Variants in RYR2 observed in about 807,000 individuals in gnomAD.
RYR2 encodes cardiac muscle ryanodine receptor-calcium release channel.
Under a neutral mutation model 601.1 loss-of-function variants are expected in RYR2, and 227 were observed. The observed-to-expected ratio is 0.38, with a 90% confidence interval of 0.34 to 0.42. The LOEUF (loss-of-function observed/expected upper bound fraction) is 0.42. Ranked by LOEUF, RYR2 falls within the 10% of genes least tolerant of loss-of-function variation. The pLI, the probability that RYR2 is intolerant of heterozygous loss-of-function variation, is 1.00. For missense variants in RYR2, 4,646 were observed against 6,156.5 expected, an observed-to-expected ratio of 0.75 and a Z score of 8.21; for synonymous variants, 2,223 against 2,175.1, an observed-to-expected ratio of 1.02 and a Z score of -0.61.
chr1:237,299,591 A>G (rs962796402), intron 2 of RYR2, among the ~76,000 whole-genome samples: 1 of 152,130 alleles, frequency 6.6e-6, no homozygotes, highest in African/African-American at 2.4e-5. Context: ...CATTAGTTCA[A>G]AGTTACAAAA....
chr1:237,630,748 C>G (rs555971542), intron 41 of RYR2, among the ~76,000 whole-genome samples: 103 of 152,244 alleles, frequency 6.8e-4, no homozygotes, highest in Non-Finnish European at 1.2e-3. Flanking sequence ...TTAGGAATAC[C>G]TTGACACACA....
At chr1:237,259,443 G>A (rs1688299711) in intron 1 of RYR2, among the ~76,000 whole-genome samples, 1 of 151,694 alleles carries the variant, frequency 6.6e-6, no homozygotes, top group South Asian at 2.1e-4. Flanking sequence ...AGGAGGCAGA[G>A]GTTGCAGTGA....
chr1:237,333,762 T>A, intron 3 of RYR2: 1 of 354,022 alleles, frequency 2.8e-6, no homozygotes, highest in Non-Finnish European at 5.6e-6. Context: ...GGAATTTTTT[T>A]ATCAATCAAA....
intron 44 of RYR2, among the ~76,000 whole-genome samples, chr1:237,638,012 A>G (rs1415288722): frequency 6.6e-6 from 1 of 152,132 alleles, no homozygotes; most frequent in African/African-American, 2.4e-5. Flanking sequence ...TGGTGCAAAT[A>G]AAACAGCAAC....
chr1:237,477,781 A>G (rs1041753618), intron 17 of RYR2, among the ~76,000 whole-genome samples: 1 of 152,088 alleles, frequency 6.6e-6, no homozygotes, highest in Non-Finnish European at 1.5e-5. Context: ...TCTCAAGCCA[A>G]CTTGCCTCTT....
rs561094702 is a variant in RYR2 at position 237,833,660 on chromosome 1, A to C, written c.*1013A>C. The C allele has an allele frequency of 6.5e-6, 1 of 152,746 alleles. No homozygotes were observed. Among genetic ancestry groups the C allele is most frequent in the South Asian group, 2.1e-4 (1 of 4,830 alleles). The allele number at this position is 152,746 out of a possible 1,614,324, so 9.5% of individuals were successfully genotyped here. A position where few individuals can be genotyped will look rare whatever the true frequency, so the allele number is the denominator to read the frequency against. On this transcript the variant is annotated 3_prime_UTR_variant, in exon 105 of 105. Transcript: ENST00000366574. Reference sequence around the variant, plus strand: ...CAATGTGATACAATATGAACTTGACAGTAGTTTTGGGTTTTGCTCATTCTT... The same window carrying C: ...CAATGTGATACAATATGAACTTGACCGTAGTTTTGGGTTTTGCTCATTCTT...
In RYR2 at chr1:237,565,158, T is replaced by TTC. The variant is rs1559035412; in HGVS notation, c.3215-1409_3215-1408insTC. ...TTCTTTCTTTTTCTTTCTTTCTTTC[T>TTC]CTTTCTTTCTTTCTTTCTTTCTTTC... On this transcript the variant is annotated intron_variant, in intron 27 of 104. Transcript: ENST00000366574. Among the ~76,000 whole-genome samples, 137 of 24,938 alleles carry TTC rather than the reference T, an allele frequency of 5.5e-3. 3 individuals are homozygous for TTC. Among genetic ancestry groups the TTC allele is most frequent in the Middle Eastern group, 0.02 (1 of 50 alleles). 16.4% of individuals were successfully genotyped at this position (24,938 alleles called of 152,430 possible).
intron 1 of RYR2, among the ~76,000 whole-genome samples, chr1:237,046,974 G>A (rs1246377962): frequency 2.0e-5 from 3 of 152,172 alleles, no homozygotes; most frequent in Admixed American, 1.3e-4. Flanking sequence ...AAGGAAAAAT[G>A]CATAAACAAA....
Position 237,649,912 on chromosome 1 carries a change from C to T in RYR2, c.7548C>T (p.Leu2516=). The change falls in exon 50 of 105, where the codon CTC becomes CTT. Residue 2516 remains leucine, a synonymous_variant. Coordinates refer to ENST00000366574, the MANE Select transcript of RYR2 (RefSeq NM_001035.3). ...ALSATDMALA[L]NRYLCTAVLP... ...GTGCTACAGACATGGCCTTGGCCCT[C>T]AATCGGTACCTTTGCACAGCCGTCT... 1 of 1,613,924 alleles carries T rather than the reference C, an allele frequency of 6.2e-7. No individual in the cohort carries two copies. The highest frequency in any genetic ancestry group is 8.5e-7 in the Non-Finnish European group (1 of 1,179,886).
intron 1 of RYR2, among the ~76,000 whole-genome samples, chr1:237,147,599 G>A (rs1302521681): frequency 6.6e-6 from 1 of 152,164 alleles, no homozygotes; most frequent in African/African-American, 2.4e-5. Context: ...GTTTCATTAT[G>A]AGTAACTTTT....
chr1:237,760,846 A>T, intron 83 of RYR2, 109 bp from the exon 84 acceptor site: 1 of 536,950 alleles, frequency 1.9e-6, no homozygotes, highest in Non-Finnish European at 3.3e-6. Context: ...AGTGTACGTT[A>T]ACATTTGCTT....
intron 1 of RYR2, among the ~76,000 whole-genome samples, chr1:237,221,875 T>G (rs867863548): frequency 6.6e-6 from 1 of 152,174 alleles, no homozygotes; most frequent in African/African-American, 2.4e-5. Flanking sequence ...CATTTTCCAT[T>G]TTTGTAAATG....
chr1:237,439,591 C>A (rs186589476), intron 12 of RYR2, among the ~76,000 whole-genome samples: 20 of 151,938 alleles, frequency 1.3e-4, no homozygotes, highest in Non-Finnish European at 2.9e-4. Context: ...TTACAGTGAG[C>A]TGAGACTGTG....
intron 1 of RYR2, among the ~76,000 whole-genome samples, chr1:237,229,029 G>A (rs905304679): frequency 1.3e-5 from 2 of 152,164 alleles, no homozygotes; most frequent in Non-Finnish European, 2.9e-5. Context: ...CCATTTTACA[G>A]ATGTGGAAGC....
chr1:237,626,628 A>G (rs1465373603), intron 40 of RYR2, among the ~76,000 whole-genome samples: 2 of 113,878 alleles, frequency 1.8e-5, no homozygotes, highest in African/African-American at 3.5e-5. Flanking sequence ...GTCTCGCTCC[A>G]TCACCCAGGC....
At chr1:237,310,545 T>C (rs1180849582) in intron 2 of RYR2, among the ~76,000 whole-genome samples, 2 of 152,192 alleles carry the variant, frequency 1.3e-5, no homozygotes, top group Non-Finnish European at 2.9e-5. Context: ...TTGCAACTTG[T>C]GGATTACCAT....
At chr1:237,198,393 G>T (rs1680800363) in intron 1 of RYR2, among the ~76,000 whole-genome samples, 1 of 150,290 alleles carries the variant, frequency 6.7e-6, no homozygotes, top group South Asian at 2.1e-4. Flanking sequence ...ATAGCGATTA[G>T]ATTTTTAGTA....
intron 1 of RYR2, among the ~76,000 whole-genome samples, chr1:237,230,922 C>A (rs1331495074): frequency 1.2e-3 from 32 of 27,736 alleles, no homozygotes; most frequent in Admixed American, 0.011. Context: ...GAGAGAGACT[C>A]GTCTCAAAAA....
At chr1:237,646,447 C>G (rs1432977740) in intron 48 of RYR2, among the ~76,000 whole-genome samples, 1 of 152,078 alleles carries the variant, frequency 6.6e-6, no homozygotes, top group Non-Finnish European at 1.5e-5. Context: ...TGTGGCTGTG[C>G]ATTCACTGCA....
Sources: gnomAD v4.1 joint callset for allele counts (sites outside exome capture counted in the v4.1 genomes callset) on GRCh38, gnomAD v4.1.1 for gene constraint, MANE v1.5 for transcripts, NCBI Gene and HGNC (gene_info 2026-07-23, HGNC 2026-07-21) for gene names.